Variants in TRAPPC5 observed in about 807,000 individuals in gnomAD.
TRAPPC5 encodes trafficking protein particle complex subunit 5.
In TRAPPC5, 5 loss-of-function variants were observed where a neutral mutation model predicts 9.8. The observed-to-expected ratio is 0.51, with a 90% CI of 0.27 to 1.07. The LOEUF (loss-of-function observed/expected upper bound fraction) is 1.07, where lower values mean the gene tolerates loss of function less well. Ranked by LOEUF, TRAPPC5 falls within the 50% of genes least tolerant of loss-of-function variation. The probability of loss-of-function intolerance (pLI) is 0.12; values close to 1 mark genes in which losing one functional copy is unlikely to be tolerated. For missense variants in TRAPPC5, 243 were observed against 291.5 expected (o/e 0.83, Z 1.21); for synonymous variants, 146 against 140.7 (o/e 1.04, Z -0.26).
chr19:7,682,181 C>G lies in TRAPPC5; in HGVS notation c.-12-61C>G. The G allele has an allele frequency of 7.5e-7, 1 of 1,330,632 alleles. No homozygotes were observed. Among genetic ancestry groups the G allele is most frequent in the Non-Finnish European group, 9.7e-7 (1 of 1,034,118 alleles). The allele number at this position is 1,330,632 out of a possible 1,614,324, so 82.4% of individuals were successfully genotyped here. The stretch of plus-strand genomic sequence containing the variant: ...GGCCCCTCGCGGTTCTCCCTCCTTT[C>G]CTCCCGGCCTGCTCCCCTTCCCATT... On this transcript the variant is annotated intron_variant, in intron 1 of 1. Coordinates refer to ENST00000596148, the MANE Select transcript of TRAPPC5 (RefSeq NM_001042462.2). The surrounding 1 kb of genome is among the most constrained non-coding windows in gnomAD (Gnocchi z 8.6).
In TRAPPC5 at chr19:7,682,150, TC is replaced by T; in HGVS notation, c.-12-89del. The T allele has an allele frequency of 9.2e-7, 1 of 1,089,662 alleles. No homozygotes were observed. Among genetic ancestry groups the T allele is most frequent in the Middle Eastern group, 3.2e-4 (1 of 3,152 alleles). The allele number at this position is 1,089,662 out of a possible 1,614,324, so 67.5% of individuals were successfully genotyped here. A position where few individuals can be genotyped will look rare whatever the true frequency, so the allele number is the denominator to read the frequency against. ...ACAACAGTGGCATGGGTCGAGGGTGTCCCAGGGCCCCTCGCGGTTCTCCCTC... is the reference window on the plus strand; with the variant it reads ...ACAACAGTGGCATGGGTCGAGGGTGTCCAGGGCCCCTCGCGGTTCTCCCTC... On this transcript the variant is annotated intron_variant, in intron 1 of 1. Coordinates refer to ENST00000596148, the MANE Select transcript of TRAPPC5 (RefSeq NM_001042462.2). This position sits in a 1 kb window ranked among gnomAD's most constrained non-coding sequence, Gnocchi z 8.6.
At position 7,682,974 on chromosome 19, in the gene TRAPPC5, C is replaced by G. The variant is rs1248500637; in HGVS notation, c.*154C>G. 2.4e-6 allele frequency: 2 copies of G among 825,960 alleles called. No homozygotes were observed. The highest frequency in any genetic ancestry group is 3.5e-5 in the African/African-American group (2 of 57,520). 51.2% of individuals were successfully genotyped at this position (825,960 alleles called of 1,614,324 possible). A position where few individuals can be genotyped will look rare whatever the true frequency, so the allele number is the denominator to read the frequency against. ...GAATGTGTTTACAGTAGAGTGGGGG[C>G]GGGTCTGGCCATAGGGTTGGGGGGT... On this transcript the variant is annotated 3_prime_UTR_variant, in exon 2 of 2. Transcript: ENST00000596148. This position sits in a 1 kb window ranked among gnomAD's most constrained non-coding sequence, Gnocchi z 8.6.
Position 7,684,781 on chromosome 19 carries a change from G to A in TRAPPC5, c.*1961G>A, listed in dbSNP as rs2032697316. The A allele has an allele frequency of 6.6e-6, 1 of 152,164 alleles. No individual in the cohort carries two copies. The allele number at this position is 152,164 out of a possible 1,614,324, so 9.4% of individuals were successfully genotyped here. A position where few individuals can be genotyped will look rare whatever the true frequency, so the allele number is the denominator to read the frequency against. On this transcript the variant is annotated 3_prime_UTR_variant, in exon 2 of 2. Transcript: ENST00000596148. ...GAGGTTTCACTGTGTTGGCCAGTCTGGTCAATACTTTAAAGTTAATTTTAA... is the reference window on the plus strand; with the variant it reads ...GAGGTTTCACTGTGTTGGCCAGTCTAGTCAATACTTTAAAGTTAATTTTAA...
Position 7,682,901 on chromosome 19 carries a change from T to TTTG in TRAPPC5, c.*81_*82insTTG. ...GTGTGGCGGCCTTAGATCCACTCAG[T>TTTG]ACCTTGAGCCACAGCCCTGCCCCAG... On this transcript the variant is annotated 3_prime_UTR_variant, in exon 2 of 2. Coordinates refer to ENST00000596148, the MANE Select transcript of TRAPPC5 (RefSeq NM_001042462.2). The surrounding 1 kb of genome is among the most constrained non-coding windows in gnomAD (Gnocchi z 8.6). The TTTG allele has an allele frequency of 7.1e-7, 1 of 1,418,088 alleles. No homozygotes were observed. Among genetic ancestry groups the TTTG allele is most frequent in the Non-Finnish European group, 9.5e-7 (1 of 1,053,868 alleles). The allele number at this position is 1,418,088 out of a possible 1,614,324, so 87.8% of individuals were successfully genotyped here.
At position 7,684,828 on chromosome 19, in the gene TRAPPC5, A is replaced by G. The variant is rs2032697958; in HGVS notation, c.*2008A>G. The G allele has an allele frequency of 1.3e-5, 2 of 150,884 alleles. No homozygotes were observed. Among genetic ancestry groups the G allele is most frequent in the Non-Finnish European group, 3.0e-5 (2 of 67,552 alleles). 9.3% of individuals were successfully genotyped at this position (150,884 alleles called of 1,614,324 possible). A position where few individuals can be genotyped will look rare whatever the true frequency, so the allele number is the denominator to read the frequency against. On this transcript the variant is annotated 3_prime_UTR_variant, in exon 2 of 2. Transcript: ENST00000596148. ...TTAAAGTCCAGGATGATACAAACACATTTCCCTTGTTAAAAAAATTTTAAA... is the reference window on the plus strand; with the variant it reads ...TTAAAGTCCAGGATGATACAAACACGTTTCCCTTGTTAAAAAAATTTTAAA...
In TRAPPC5 at chr19:7,681,465, G is replaced by C. The variant is rs537066444; in HGVS notation, c.-13+587G>C. 6.6e-6 allele frequency among the ~76,000 whole-genome samples: 1 copy of C among 152,244 alleles called. No individual in the cohort carries two copies. Among genetic ancestry groups the C allele is most frequent in the Non-Finnish European group, 1.5e-5 (1 of 68,012 alleles). On this transcript the variant is annotated intron_variant, in intron 1 of 1. Coordinates refer to ENST00000596148, the MANE Select transcript of TRAPPC5 (RefSeq NM_001042462.2). This position sits in a 1 kb window ranked among gnomAD's most constrained non-coding sequence, Gnocchi z 8.7. ...CAGCTTCCTTTCTGGAGAGCACGGG[G>C]GTGGGAGGCTCCCAACACCTCTGGG...
In TRAPPC5 at chr19:7,682,475, G is replaced by T; in HGVS notation, c.222G>T (p.Lys74Asn). Residue 74 changes from lysine (K) to asparagine (N), a missense_variant, in exon 2 of 2, where the codon AAG becomes AAT. Transcript: ENST00000596148. The surrounding 1 kb of genome is among the most constrained non-coding windows in gnomAD (Gnocchi z 8.6). ...RVLDALVARE[K>N]GARRETKVLG... ...TGGATGCGCTGGTGGCGCGCGAAAA[G>T]GGTGCCCGGCGTGAGACCAAGGTGC... is the stretch of plus-strand genomic sequence containing the variant. The T allele has an allele frequency of 1.2e-6, 2 of 1,611,034 alleles. No individual in the cohort carries two copies. The highest frequency in any genetic ancestry group is 1.7e-6 in the Non-Finnish European group (2 of 1,178,814).
chr19:7,682,278 A>C lies in TRAPPC5; in HGVS notation c.25A>C (p.Lys9Gln), dbSNP rs2032650035. The C allele has an allele frequency of 1.4e-6, 2 of 1,420,054 alleles. No homozygotes were observed. Among genetic ancestry groups the C allele is most frequent in the Admixed American group, 3.4e-5 (1 of 29,040 alleles). 88.0% of individuals were successfully genotyped at this position (1,420,054 alleles called of 1,614,324 possible). MEARFTRG[K>Q]SALLERALAR... ...CATGGAGGCGCGCTTCACGCGCGGG[A>C]AGTCGGCGCTGCTGGAGCGCGCGCT... Residue 9 changes from lysine to glutamine, a missense_variant, in exon 2 of 2, where the codon AAG becomes CAG. Lys to Gln is a moderately conservative substitution (Grantham distance 53). Around this residue, in one of 2 missense-constraint regions of TRAPPC5, gnomAD observed 89 missense variants for 75.7 expected, o/e 1.18. Transcript: ENST00000596148. The surrounding 1 kb of genome is among the most constrained non-coding windows in gnomAD (Gnocchi z 8.6).
chr19:7,682,874 T>C lies in TRAPPC5; in HGVS notation c.*54T>C, dbSNP rs2032668751. The C allele has an allele frequency of 1.3e-6, 2 of 1,496,216 alleles. No homozygotes were observed. Among genetic ancestry groups the C allele is most frequent in the Admixed American group, 2.1e-5 (1 of 47,476 alleles). The allele number at this position is 1,496,216 out of a possible 1,614,324, so 92.7% of individuals were successfully genotyped here. A position where few individuals can be genotyped will look rare whatever the true frequency, so the allele number is the denominator to read the frequency against. ...CCCCTCCCCACGTGTGTCTTGTGTC[T>C]TGTGTGGCGGCCTTAGATCCACTCA... On this transcript the variant is annotated 3_prime_UTR_variant, in exon 2 of 2. Transcript: ENST00000596148. The surrounding 1 kb of genome is among the most constrained non-coding windows in gnomAD (Gnocchi z 8.6).
Position 7,682,621 on chromosome 19 carries a change from T to C in TRAPPC5, c.368T>C (p.Leu123Pro). 1 of 1,613,594 alleles carries C rather than the reference T, an allele frequency of 6.2e-7. No individual in the cohort carries two copies. The highest frequency in any genetic ancestry group is 1.3e-5 in the African/African-American group (1 of 75,046). ...TTCTACATCATCGAGCGCGAGCCGC[T>C]CATCAACACCTACATCTCCGTGCCC... ...RTFYIIEREPLINTYISVPKE... is the reference protein window; with the variant it reads ...RTFYIIEREPPINTYISVPKE... The change falls in exon 2 of 2, where the codon CTC (leucine) becomes CCC (proline). Residue 123 changes from leucine (L) to proline (P), a missense_variant. Leu to Pro is a moderately conservative substitution (Grantham distance 98, BLOSUM62 -3). This residue lies in a region of TRAPPC5 where 154 missense variants were observed against 215.8 expected (regional missense o/e 0.71). Transcript: ENST00000596148. The surrounding 1 kb of genome is among the most constrained non-coding windows in gnomAD (Gnocchi z 8.6).
At position 7,680,863 on chromosome 19, in the gene TRAPPC5, A is replaced by G. The variant is rs370277186; in HGVS notation, c.-28A>G. On this transcript the variant is annotated 5_prime_UTR_variant, in exon 1 of 2. Transcript: ENST00000596148. ...GCCGTAAAGCAGCTCGGCCGAGCAG[A>G]CTGCTGCGGTTCCTGGTGAGACCCT... 11 of 152,348 alleles carry G rather than the reference A, an allele frequency of 7.2e-5. 2 individuals carry two copies. In the East Asian group the frequency reaches 1.9e-3, roughly 27 times the overall value. 9.4% of individuals were successfully genotyped at this position (152,348 alleles called of 1,614,324 possible).
Position 7,685,074 on chromosome 19 carries a change from C to T in TRAPPC5, c.*2254C>T, listed in dbSNP as rs1348741907. ...TCACTTGAGGCCGGAAGTTTGAGACCAACCTGGTCAACATGGCAAAACCCA... is the reference window on the plus strand; with the variant it reads ...TCACTTGAGGCCGGAAGTTTGAGACTAACCTGGTCAACATGGCAAAACCCA... On this transcript the variant is annotated 3_prime_UTR_variant, in exon 2 of 2. Transcript: ENST00000596148. 6.6e-6 allele frequency: 1 copy of T among 152,154 alleles called. No individual in the cohort carries two copies. Among genetic ancestry groups the T allele is most frequent in the East Asian group, 1.9e-4 (1 of 5,170 alleles). The allele number at this position is 152,154 out of a possible 1,614,324, so 9.4% of individuals were successfully genotyped here.
At position 7,684,789 on chromosome 19, in the gene TRAPPC5, CT is replaced by C; in HGVS notation, c.*1972del. ...ACTGTGTTGGCCAGTCTGGTCAATA[CT>C]TTAAAGTTAATTTTAAAGTCCAGGA... On this transcript the variant is annotated 3_prime_UTR_variant, in exon 2 of 2. Coordinates refer to ENST00000596148, the MANE Select transcript of TRAPPC5 (RefSeq NM_001042462.2). 6.6e-6 allele frequency: 1 copy of C among 152,256 alleles called. No homozygotes were observed. The highest frequency in any genetic ancestry group is 1.5e-5 in the Non-Finnish European group (1 of 68,022). 9.4% of individuals were successfully genotyped at this position (152,256 alleles called of 1,614,324 possible).
chr19:7,687,602 C>G lies in TRAPPC5; in HGVS notation c.*4782C>G, dbSNP rs952286896. On this transcript the variant is annotated 3_prime_UTR_variant, in exon 2 of 2. Transcript: ENST00000596148. ...GCCTCAGGGTGATCCACCGCCTTCC[C>G]CTACAGTATTCCAAGGGGCCATTGG... 6.6e-6 allele frequency: 1 copy of G among 152,350 alleles called. No individual in the cohort carries two copies. Among genetic ancestry groups the G allele is most frequent in the African/African-American group, 2.4e-5 (1 of 41,448 alleles). The allele number at this position is 152,350 out of a possible 1,614,324, so 9.4% of individuals were successfully genotyped here.
rs1337462256 is a variant in TRAPPC5, at chr19:7,686,712, G to C, written c.*3892G>C. The C allele has an allele frequency of 4.6e-5, 7 of 152,274 alleles. No individual in the cohort carries two copies. The highest frequency in any genetic ancestry group is 1.7e-4 in the African/African-American group (7 of 41,414). The allele number at this position is 152,274 out of a possible 1,614,324, so 9.4% of individuals were successfully genotyped here. A position where few individuals can be genotyped will look rare whatever the true frequency, so the allele number is the denominator to read the frequency against. ...TTTAGTGGAGACGGGGTTTCACCAT[G>C]TTGGCCAGGCTGGTCTGGAACTCCT... On this transcript the variant is annotated 3_prime_UTR_variant, in exon 2 of 2. Transcript: ENST00000596148.
rs1315698162 is a variant in TRAPPC5 at position 7,682,283 on chromosome 19, G to A, written c.30G>A (p.Ser10=). The change falls in exon 2 of 2, where the codon TCG becomes TCA. Residue 10 remains serine, a synonymous_variant. Transcript: ENST00000596148. The surrounding 1 kb of genome is among the most constrained non-coding windows in gnomAD (Gnocchi z 8.6). Reference sequence around the variant, plus strand: ...AGGCGCGCTTCACGCGCGGGAAGTCGGCGCTGCTGGAGCGCGCGCTGGCGC... The same window carrying A: ...AGGCGCGCTTCACGCGCGGGAAGTCAGCGCTGCTGGAGCGCGCGCTGGCGC... The part of the protein sequence containing the change: MEARFTRGK[S]ALLERALARP... 1 of 1,425,750 alleles carries A rather than the reference G, an allele frequency of 7.0e-7. No individual in the cohort carries two copies. The highest frequency in any genetic ancestry group is 9.1e-7 in the Non-Finnish European group (1 of 1,097,560). The allele number at this position is 1,425,750 out of a possible 1,614,324, so 88.3% of individuals were successfully genotyped here.
rs1261021444 is a variant in TRAPPC5, at chr19:7,686,289, G to A, written c.*3469G>A. ...CGGGGTTGGGGCAAGGGAGGATGAA[G>A]AGAAAGAAGAGCCTGTGGTTCGGCA... On this transcript the variant is annotated 3_prime_UTR_variant, in exon 2 of 2. Coordinates refer to ENST00000596148, the MANE Select transcript of TRAPPC5 (RefSeq NM_001042462.2). 2.0e-5 allele frequency: 3 copies of A among 152,480 alleles called. No homozygotes were observed. Among genetic ancestry groups the A allele is most frequent in the African/African-American group, 7.2e-5 (3 of 41,412 alleles). 9.4% of individuals were successfully genotyped at this position (152,480 alleles called of 1,614,324 possible).
chr19:7,687,077 G>A lies in TRAPPC5; in HGVS notation c.*4257G>A, dbSNP rs1464212511. On this transcript the variant is annotated 3_prime_UTR_variant, in exon 2 of 2. Transcript: ENST00000596148. ...CAGGCATGAGCCACTGTGCGCAGCTGGCTTTGGCCTTTTATCTGAGCTGGA... is the reference window on the plus strand; with the variant it reads ...CAGGCATGAGCCACTGTGCGCAGCTAGCTTTGGCCTTTTATCTGAGCTGGA... 1.3e-5 allele frequency: 2 copies of A among 152,328 alleles called. No homozygotes were observed. The highest frequency in any genetic ancestry group is 3.8e-4 in the East Asian group (2 of 5,196). The allele number at this position is 152,328 out of a possible 1,614,324, so 9.4% of individuals were successfully genotyped here.
Position 7,682,284 on chromosome 19 carries a change from G to T in TRAPPC5, c.31G>T (p.Ala11Ser). The T allele has an allele frequency of 7.0e-7, 1 of 1,428,502 alleles. No individual in the cohort carries two copies. The highest frequency in any genetic ancestry group is 9.1e-7 in the Non-Finnish European group (1 of 1,098,968). 88.5% of individuals were successfully genotyped at this position (1,428,502 alleles called of 1,614,324 possible). A position where few individuals can be genotyped will look rare whatever the true frequency, so the allele number is the denominator to read the frequency against. Residue 11 changes from alanine (A) to serine (S), a missense_variant, in exon 2 of 2, where the codon GCG becomes TCG. Transcript: ENST00000596148. This position sits in a 1 kb window ranked among gnomAD's most constrained non-coding sequence, Gnocchi z 8.6. ...GGCGCGCTTCACGCGCGGGAAGTCG[G>T]CGCTGCTGGAGCGCGCGCTGGCGCG... Reference protein sequence around the residue: MEARFTRGKSALLERALARPR... With the variant: MEARFTRGKSSLLERALARPR...
Sources: allele counts gnomAD v4.1 joint callset (sites outside exome capture counted in the v4.1 genomes callset), GRCh38; gene constraint gnomAD v4.1.1; regional missense constraint gnomAD v4.1.1; non-coding constraint Gnocchi (gnomAD v3.1); transcripts MANE v1.5; gene names NCBI Gene and HGNC (gene_info 2026-07-23, HGNC 2026-07-21).